KLHL4: variants seen among roughly 807,000 people sequenced by gnomAD.
KLHL4 encodes the protein kelch-like protein 4.
A neutral mutation model predicts 45.8 loss-of-function variants in KLHL4; 17 were observed. The observed-to-expected ratio is 0.37, with a 90% confidence interval of 0.25 to 0.56. The LOEUF (loss-of-function observed/expected upper bound fraction) is 0.56. Among genes scored for constraint, KLHL4 ranks in the 20% least tolerant of loss-of-function variants. The pLI, the probability that KLHL4 is intolerant of heterozygous loss-of-function variation, is 0.79. For missense variants in KLHL4, 544 were observed against 544.9 expected (o/e 1.00, Z 0.02); for synonymous variants, 224 against 189.9 (o/e 1.18, Z -1.47).
chrX:87,558,653 G>T (rs1363683034), intron 1 of KLHL4, among the ~76,000 whole-genome samples: 1 of 106,371 alleles, frequency 9.4e-6, no homozygotes, highest in Admixed American at 1.1e-4. Context: ...TATTGACTCA[G>T]TTAGCTATTT....
rs571811148 is a variant in KLHL4, at chrX:87,632,226, A to G, written c.1341A>G (p.Glu447=). ...CTTTGTCAGGTACTACTACTATTGA[A>G]AAATATGACCTCAGGACCAACAGTT... ...MDAMKGTTTI[E]KYDLRTNSWL... Residue 447 remains glutamate (E), a synonymous_variant, in exon 7 of 11, where the codon GAA becomes GAG. Coordinates refer to ENST00000373119, the MANE Select transcript of KLHL4 (RefSeq NM_019117.5). 220 of 1,186,788 alleles carry G rather than the reference A, an allele frequency of 1.9e-4. 1 individual carries two copies. The Middle Eastern group carries it at 2.8e-3, about 15-fold the overall frequency.
At chrX:87,575,475 G>T (rs181158844) in intron 1 of KLHL4, among the ~76,000 whole-genome samples, 2 of 111,817 alleles carry the variant, frequency 1.8e-5, no homozygotes, top group East Asian at 2.8e-4. Context: ...GTGCCAAAAA[G>T]GTTGGGGACT....
chrX:87,646,729 T>A (rs1175053325), intron 9 of KLHL4, among the ~76,000 whole-genome samples: 2 of 111,692 alleles, frequency 1.8e-5, no homozygotes, highest in Non-Finnish European at 3.8e-5. Context: ...TCTCTAACCC[T>A]ATAGAAAAAT....
intron 5 of KLHL4, among the ~76,000 whole-genome samples, chrX:87,624,244 C>T (rs1478272554): frequency 1.8e-5 from 2 of 112,014 alleles, no homozygotes; most frequent in Non-Finnish European, 3.8e-5. Flanking sequence ...TGCCTTAGAC[C>T]TAGAATATGG....
At chrX:87,608,478 T>A (rs1251416971) in intron 1 of KLHL4, among the ~76,000 whole-genome samples, 2 of 111,293 alleles carry the variant, frequency 1.8e-5, no homozygotes, top group Non-Finnish European at 3.8e-5. Context: ...GAAGGGCTTT[T>A]TTTTTTCCCC....
chrX:87,609,439 A>G (rs1922301322), intron 1 of KLHL4, among the ~76,000 whole-genome samples: 1 of 111,278 alleles, frequency 9.0e-6, no homozygotes, highest in Non-Finnish European at 1.9e-5. Flanking sequence ...CTGACTTTTT[A>G]ATGATCACCA....
At chrX:87,565,632 A>C (rs1932190111) in intron 1 of KLHL4, among the ~76,000 whole-genome samples, 1 of 102,445 alleles carries the variant, frequency 9.8e-6, no homozygotes, top group Non-Finnish European at 2.0e-5. Context: ...AGGCTGAGGC[A>C]CAAAAATTGT....
At chrX:87,558,406 T>C (rs1932026507) in intron 1 of KLHL4, among the ~76,000 whole-genome samples, 1 of 95,962 alleles carries the variant, frequency 1.0e-5, no homozygotes, top group South Asian at 4.8e-4. Context: ...TCAATAAATA[T>C]TAACATTATT....
chrX:87,573,637 A>T (rs1921005205), intron 1 of KLHL4, among the ~76,000 whole-genome samples: 1 of 111,304 alleles, frequency 9.0e-6, no homozygotes, highest in East Asian at 2.8e-4. Flanking sequence ...AAAGATTTAG[A>T]GACTGATTTT....
At chrX:87,592,094 G>T (rs1177324161) in intron 1 of KLHL4, among the ~76,000 whole-genome samples, 1 of 109,221 alleles carries the variant, frequency 9.2e-6, no homozygotes, top group Non-Finnish European at 1.9e-5. Context: ...TTCTACAAAT[G>T]AGTGTGAACA....
chrX:87,569,936 C>G lies in KLHL4; in HGVS notation c.423-43941C>G, dbSNP rs769079664. Among the ~76,000 whole-genome samples the G allele has an allele frequency of 4.5e-5, 5 of 110,858 alleles. No individual in the cohort carries two copies. In the East Asian group the frequency reaches 1.1e-3, roughly 25 times the overall value. The stretch of plus-strand genomic sequence containing the variant: ...CACAACATTGTGACTTTCCTAAAAG[C>G]CATTGTATTTTACATTTTATAATGG... On this transcript the variant is annotated intron_variant, in intron 1 of 10. Transcript: ENST00000373119.
At chrX:87,618,271 C>T (rs1403754762) in intron 4 of KLHL4, 143 bp downstream of exon 4, 7 of 410,800 alleles carry the variant, frequency 1.7e-5, no homozygotes, top group African/African-American at 2.5e-5. Context: ...GGTTGAGCTG[C>T]ACTCAGGCAA....
chrX:87,625,940 C>A, intron 6 of KLHL4, 144 bp downstream of exon 6: 1 of 442,799 alleles, frequency 2.3e-6, no homozygotes, highest in Non-Finnish European at 3.7e-6. Context: ...ATTTTTGTGA[C>A]CTCATTTTTC....
At chrX:87,600,209 C>T (rs1032139355) in intron 1 of KLHL4, among the ~76,000 whole-genome samples, 2 of 110,697 alleles carry the variant, frequency 1.8e-5, no homozygotes, top group Non-Finnish European at 3.8e-5. Context: ...TAGCACCAGC[C>T]GGGGAGGTGG....
At chrX:87,586,364 A>G (rs1921471394) in intron 1 of KLHL4, among the ~76,000 whole-genome samples, 1 of 111,680 alleles carries the variant, frequency 9.0e-6, no homozygotes, top group South Asian at 3.7e-4. Flanking sequence ...AAAGATAGTC[A>G]TATGTTAGGT....
At chrX:87,624,477 G>A (rs1922857881) in intron 5 of KLHL4, among the ~76,000 whole-genome samples, 2 of 112,071 alleles carry the variant, frequency 1.8e-5, no homozygotes, top group South Asian at 7.4e-4. Flanking sequence ...GGGCTCTCAT[G>A]AGGCAAGTCA....
At chrX:87,558,133 T>A (rs1356145905) in intron 1 of KLHL4, among the ~76,000 whole-genome samples, 14 of 111,878 alleles carry the variant, frequency 1.3e-4, no homozygotes, top group Non-Finnish European at 2.3e-4. Context: ...AAATGTGTTT[T>A]TGTTCTAGGG....
Position 87,517,920 on chromosome X carries a change from T to G in KLHL4, c.27T>G (p.Phe9Leu). The part of the protein sequence containing the change: MSVSGKKE[F>L]DVKQILRLRW... The stretch of plus-strand genomic sequence containing the variant: ...TGTCAGTGTCTGGCAAGAAAGAGTT[T>G]GATGTGAAACAGATCCTAAGGCTAC... The change falls in exon 1 of 11, where the codon TTT becomes TTG. Residue 9 changes from phenylalanine to leucine, a missense_variant. Transcript: ENST00000373119. 1 of 1,208,336 alleles carries G rather than the reference T, an allele frequency of 8.3e-7. No individual in the cohort carries two copies. Among genetic ancestry groups the G allele is most frequent in the Non-Finnish European group, 1.1e-6 (1 of 893,728 alleles).
chrX:87,592,026 C>G (rs942961554), intron 1 of KLHL4, among the ~76,000 whole-genome samples: 2 of 109,402 alleles, frequency 1.8e-5, no homozygotes, highest in African/African-American at 3.3e-5. Context: ...CTTGCCAGCC[C>G]GTAGTAGCCA....
Sources: gnomAD v4.1 joint callset for allele counts (sites outside exome capture counted in the v4.1 genomes callset) on GRCh38, gnomAD v4.1.1 for gene constraint, MANE v1.5 for transcripts, NCBI Gene and HGNC (gene_info 2026-07-23, HGNC 2026-07-21) for gene names.